COL27A1: variants seen among roughly 807,000 people sequenced by gnomAD.
COL27A1 encodes collagen type XXVII alpha 1 chain, also known as collagen alpha-1(XXVII) chain.
Under a neutral mutation model 251.3 loss-of-function variants are expected in COL27A1, and 106 were observed. The ratio of observed to expected loss-of-function variants is 0.42; its 90% confidence interval spans 0.36 to 0.50. COL27A1 has a LOEUF of 0.50. Ranked by LOEUF, COL27A1 falls within the 20% of genes least tolerant of loss-of-function variation. The pLI, the probability that COL27A1 is intolerant of heterozygous loss-of-function variation, is 0.00. For synonymous variants in COL27A1, 1,000 were observed against 986.3 expected (o/e 1.01, Z -0.26); for missense variants, 2,325 against 2,522.8 (o/e 0.92, Z 1.68).
chr9:114,242,687 G>A (rs1257128133), intron 22 of COL27A1, among the ~76,000 whole-genome samples: 1 of 152,146 alleles, frequency 6.6e-6, no homozygotes. Flanking sequence ...GAAATTTCTG[G>A]TATCCAGAGC....
intron 12 of COL27A1, 106 bp from the exon 13 acceptor site, chr9:114,219,685 C>T (rs1830945167): frequency 1.3e-6 from 1 of 793,648 alleles, no homozygotes; most frequent in Non-Finnish European, 2.2e-6. Context: ...AGGAGTGAGA[C>T]TGCTTGGACA....
Position 114,252,583 on chromosome 9 carries a change from T to C in COL27A1, c.3034-10T>C. 6.2e-7 allele frequency: 1 copy of C among 1,613,714 alleles called. No individual in the cohort carries two copies. Among genetic ancestry groups the C allele is most frequent in the Admixed American group, 1.7e-5 (1 of 60,024 alleles). On this transcript the variant is annotated splice_polypyrimidine_tract_variant and intron_variant, in intron 25 of 60. Transcript: ENST00000356083. ...GCCGTGACCTGCCTGCATTGCTGTCTCCATCACAGGGTGATCGTGGCATGA... is the reference window on the plus strand; with the variant it reads ...GCCGTGACCTGCCTGCATTGCTGTCCCCATCACAGGGTGATCGTGGCATGA...
chr9:114,161,268 G>C (rs1380944358), intron 1 of COL27A1, among the ~76,000 whole-genome samples: 1 of 152,030 alleles, frequency 6.6e-6, no homozygotes, highest in African/African-American at 2.4e-5. Flanking sequence ...GCTTTCCCAG[G>C]GTCCCTAACA....
At position 114,284,764 on chromosome 9, in the gene COL27A1, C is replaced by T; in HGVS notation, c.3974C>T (p.Pro1325Leu). The T allele has an allele frequency of 6.2e-7, 1 of 1,614,170 alleles. No homozygotes were observed. The highest frequency in any genetic ancestry group is 8.5e-7 in the Non-Finnish European group (1 of 1,180,006). Residue 1325 changes from proline (P) to leucine (L), a missense_variant, in exon 41 of 61, where the codon CCA (proline) becomes CTA (leucine). Pro to Leu is a moderately conservative substitution (Grantham distance 98). Coordinates refer to ENST00000356083, the MANE Select transcript of COL27A1 (RefSeq NM_032888.4). ...GTGGGACCCCTTGGACCTCCTGGACCAAAAGGCGAAAAGGTGGGTGTTTGC... is the reference window on the plus strand; with the variant it reads ...GTGGGACCCCTTGGACCTCCTGGACTAAAAGGCGAAAAGGTGGGTGTTTGC... ...GIVGPLGPPG[P>L]KGEKGEQGED...
intron 17 of COL27A1, among the ~76,000 whole-genome samples, chr9:114,236,721 G>C (rs747402384): frequency 1.2e-4 from 18 of 152,214 alleles, no homozygotes; most frequent in Non-Finnish European, 2.2e-4. Flanking sequence ...CAGAGCCTGC[G>C]TGCAGCCCCA....
At chr9:114,297,563 T>C (rs1564583603) in intron 49 of COL27A1, among the ~76,000 whole-genome samples, 1 of 152,104 alleles carries the variant, frequency 6.6e-6, no homozygotes, top group South Asian at 2.1e-4. Flanking sequence ...ATTAATAAAA[T>C]AAAGGACAAA....
chr9:114,159,332 G>A (rs937213073), intron 1 of COL27A1, among the ~76,000 whole-genome samples: 2 of 152,202 alleles, frequency 1.3e-5, no homozygotes, highest in African/African-American at 2.4e-5. Context: ...GAAACTGACC[G>A]AGAAGGACAT....
chr9:114,197,062 G>A (rs1271758983), intron 7 of COL27A1, among the ~76,000 whole-genome samples: 2 of 152,224 alleles, frequency 1.3e-5, no homozygotes, highest in East Asian at 3.8e-4. Flanking sequence ...CATAGCAGGT[G>A]TTCAGGAAAT....
At chr9:114,252,075 G>T (rs553035057) in intron 25 of COL27A1, among the ~76,000 whole-genome samples, 1 of 152,320 alleles carries the variant, frequency 6.6e-6, no homozygotes, top group African/African-American at 2.4e-5. Flanking sequence ...CTACCTTCTG[G>T]CTGGAGCTGT....
rs74972544 is a variant in COL27A1, at chr9:114,214,487, C to T, written c.2367+3461C>T. Among the ~76,000 whole-genome samples, 250 of 152,262 alleles carry T rather than the reference C, an allele frequency of 1.6e-3. 1 individual carries two copies. Among genetic ancestry groups the T allele is most frequent in the African/African-American group, 5.9e-3 (245 of 41,554 alleles). ...GTGATGTGTCAGAGTCTTTTACTAA[C>T]GGGAGCTGAGGAAGAGACAGTGGAG... is the stretch of plus-strand genomic sequence containing the variant. On this transcript the variant is annotated intron_variant, in intron 12 of 60. Coordinates refer to ENST00000356083, the MANE Select transcript of COL27A1 (RefSeq NM_032888.4).
rs941086447 is a variant in COL27A1, at chr9:114,156,007, C to G, written c.57C>G (p.Arg19=). The change falls in exon 1 of 61, where the codon CGC becomes CGG. Residue 19 remains arginine, a synonymous_variant. Transcript: ENST00000356083. ...GCACAGCGGCGGCGGCGGCGGCGCG[C>G]GGGGGGTGAGTACGAACTCGGGGAC... The part of the protein sequence containing the change: ...ARGTAAAAAA[R]GGGFLFSWIL... The G allele has an allele frequency of 1.8e-5, 23 of 1,297,124 alleles. No homozygotes were observed. The highest frequency in any genetic ancestry group is 2.3e-5 in the Non-Finnish European group (23 of 1,019,628). The allele number at this position is 1,297,124 out of a possible 1,614,324, so 80.4% of individuals were successfully genotyped here.
In COL27A1 at chr9:114,310,703, C is replaced by A; in HGVS notation, c.*8C>A. 6.2e-7 allele frequency: 1 copy of A among 1,614,036 alleles called. No homozygotes were observed. The highest frequency in any genetic ancestry group is 1.1e-5 in the South Asian group (1 of 91,074). On this transcript the variant is annotated 3_prime_UTR_variant, in exon 61 of 61. Coordinates refer to ENST00000356083, the MANE Select transcript of COL27A1 (RefSeq NM_032888.4). ...CCTGCGTGCTTCCTCTGACCTCTGA[C>A]CTCGTGGCCACTCTAGGCCTCACGG...
At chr9:114,274,125 C>T (rs887676343) in intron 36 of COL27A1, 2 of 151,954 alleles carry the variant, frequency 1.3e-5, no homozygotes, top group Non-Finnish European at 2.9e-5. Flanking sequence ...GCCTGCAGTC[C>T]CAGCTAGTTG....
At position 114,237,644 on chromosome 9, in the gene COL27A1, A is replaced by G. The variant is rs370790433; in HGVS notation, c.2674-18A>G. The G allele has an allele frequency of 5.0e-6, 8 of 1,613,194 alleles. No individual in the cohort carries two copies. Among genetic ancestry groups the G allele is most frequent in the African/African-American group, 1.3e-5 (1 of 74,844 alleles). ...GGGTCCTCACCCCTGCCTCCCTGCA[A>G]CCTCTTCTCTTCCACAGGGCAAAGT... On this transcript the variant is annotated intron_variant, in intron 18 of 60. Transcript: ENST00000356083.
chr9:114,194,536 T>C (rs1000578477), intron 6 of COL27A1, 79 bp downstream of exon 6: 1 of 1,275,266 alleles, frequency 7.8e-7, no homozygotes, highest in Admixed American at 1.9e-5. Context: ...AAGCTAGCTG[T>C]CCTGCCAGAG....
Position 114,169,311 on chromosome 9 carries a change from A to G in COL27A1, c.1756A>G (p.Thr586Ala), listed in dbSNP as rs1188966096. The change falls in exon 3 of 61, where the codon ACC becomes GCC. Residue 586 changes from threonine to alanine, a missense_variant. Physicochemically the swap from Thr to Ala is moderately conservative, Grantham distance 58. This residue lies in a region of COL27A1 where 1,183 missense variants were observed against 1,144.1 expected (regional missense o/e 1.03). Coordinates refer to ENST00000356083, the MANE Select transcript of COL27A1 (RefSeq NM_032888.4). ...CAGACAGCCCCAGCCCAGTCAGCAG[A>G]CCACCCCGGCCCTGGTATTGGCCCC... ...SPRQPQPSQQTTPALVLAPAQ... is the reference protein window; with the variant it reads ...SPRQPQPSQQATPALVLAPAQ... The G allele has an allele frequency of 6.2e-7, 1 of 1,612,374 alleles. No individual in the cohort carries two copies. The highest frequency in any genetic ancestry group is 8.5e-7 in the Non-Finnish European group (1 of 1,179,502).
intron 14 of COL27A1, among the ~76,000 whole-genome samples, chr9:114,225,947 C>T (rs1414360375): frequency 6.6e-6 from 1 of 152,124 alleles, no homozygotes; most frequent in Non-Finnish European, 1.5e-5. Flanking sequence ...GTGGAAGTGT[C>T]GGGCTTGTCA....
chr9:114,213,493 T>C (rs60869479), intron 12 of COL27A1, among the ~76,000 whole-genome samples: 2,019 of 152,286 alleles, frequency 0.013, 47 homozygotes, highest in African/African-American at 0.045. Flanking sequence ...AAAGATTATT[T>C]GTTGAATATA....
intron 27 of COL27A1, among the ~76,000 whole-genome samples, chr9:114,254,730 G>C (rs530992777): frequency 6.6e-6 from 1 of 152,186 alleles, no homozygotes; most frequent in African/African-American, 2.4e-5. Context: ...ACTGTGATTA[G>C]GGAAGCAAGG....
Sources: gnomAD v4.1 joint callset for allele counts (sites outside exome capture counted in the v4.1 genomes callset) on GRCh38, gnomAD v4.1.1 for gene constraint, gnomAD v4.1.1 regional missense constraint, MANE v1.5 for transcripts, NCBI Gene and HGNC (gene_info 2026-07-23, HGNC 2026-07-21) for gene names.